Variants in HMCN1 observed in about 807,000 individuals in gnomAD.
HMCN1 encodes the protein hemicentin 1.
In HMCN1, 321 loss-of-function variants were observed where a neutral mutation model predicts 625.9. The observed-to-expected ratio is 0.51, with a 90% confidence interval of 0.47 to 0.56. The LOEUF (loss-of-function observed/expected upper bound fraction) is 0.56. Among genes scored for constraint, HMCN1 ranks in the 20% least tolerant of loss-of-function variants. The pLI, the probability that HMCN1 is intolerant of heterozygous loss-of-function variation, is 0.00. For missense variants in HMCN1, 6,588 were observed against 6,887.3 expected, an observed-to-expected ratio of 0.96 and a Z score of 1.54; for synonymous variants, 2,425 against 2,417.6, an observed-to-expected ratio of 1.00 and a Z score of -0.09.
At chr1:185,870,589 G>T (rs990851289) in intron 4 of HMCN1, among the ~76,000 whole-genome samples, 3 of 151,968 alleles carry the variant, frequency 2.0e-5, no homozygotes, top group African/African-American at 7.3e-5. Flanking sequence ...TGCATAGTAG[G>T]TGTATGTATT....
chr1:185,962,635 A>T lies in HMCN1; in HGVS notation c.1946A>T (p.Asp649Val). 6.3e-7 allele frequency: 1 copy of T among 1,590,476 alleles called. No individual in the cohort carries two copies. Among genetic ancestry groups the T allele is most frequent in the Non-Finnish European group, 8.6e-7 (1 of 1,158,470 alleles). The part of the protein sequence containing the change: ...PKPKIAWTVN[D>V]MFIVGSHRYR... Reference sequence around the variant, plus strand: ...CCAAAGATTGCCTGGACCGTTAACGATATGTTTATCGTGGGTTCACACAGG... The same window carrying T: ...CCAAAGATTGCCTGGACCGTTAACGTTATGTTTATCGTGGGTTCACACAGG... The change falls in exon 12 of 107, where the codon GAT (aspartate) becomes GTT (valine). Residue 649 changes from aspartate (D) to valine (V), a missense_variant. By Grantham distance (152) the Asp-to-Val change is radical. This residue lies in a region of HMCN1 where 4,628 missense variants were observed against 4,853.1 expected (regional missense o/e 0.95). Transcript: ENST00000271588.
chr1:186,150,188 T>C (rs955008622), intron 93 of HMCN1, among the ~76,000 whole-genome samples: 3 of 152,174 alleles, frequency 2.0e-5, no homozygotes, highest in African/African-American at 7.2e-5. Context: ...TAAAACTAAA[T>C]ATGCTTGTAC....
intron 81 of HMCN1, among the ~76,000 whole-genome samples, chr1:186,124,898 T>C (rs74136038): frequency 0.048 from 7,250 of 152,110 alleles, 576 homozygotes; most frequent in African/African-American, 0.17. Flanking sequence ...GAAGTAACTA[T>C]CTTAGTTCTA....
At chr1:186,155,059 G>A (rs956044307) in intron 97 of HMCN1, among the ~76,000 whole-genome samples, 4 of 152,174 alleles carry the variant, frequency 2.6e-5, no homozygotes, top group Admixed American at 2.6e-4. Context: ...GTGTTTTGCT[G>A]TGTGCCAGCT....
At chr1:186,170,220 G>A (rs1271132672) in intron 100 of HMCN1, among the ~76,000 whole-genome samples, 1 of 152,180 alleles carries the variant, frequency 6.6e-6, no homozygotes, top group Non-Finnish European at 1.5e-5. Flanking sequence ...AGAGGAGGTG[G>A]AGTGTTTCAT....
Position 185,907,938 on chromosome 1 carries a change from A to T in HMCN1, c.622-1399A>T, listed in dbSNP as rs182479622. Among the ~76,000 whole-genome samples the T allele has an allele frequency of 8.9e-4, 136 of 152,086 alleles. 1 individual carries two copies. The highest frequency in any genetic ancestry group is 4.1e-4 in the South Asian group (2 of 4,828). Reference sequence around the variant, plus strand: ...ACCAATTTCATTGACATTAGTATATACCCACCTTTATTATGTGTAGAGCAA... The same window carrying T: ...ACCAATTTCATTGACATTAGTATATTCCCACCTTTATTATGTGTAGAGCAA... On this transcript the variant is annotated intron_variant, in intron 4 of 106. Coordinates refer to ENST00000271588, the MANE Select transcript of HMCN1 (RefSeq NM_031935.3).
intron 1 of HMCN1, among the ~76,000 whole-genome samples, chr1:185,758,993 A>G (rs988643144): frequency 1.6e-4 from 24 of 152,160 alleles, no homozygotes; most frequent in Admixed American, 6.5e-5. Context: ...GTTCCTTGGA[A>G]CTATATTAAT....
chr1:186,182,302 G>A lies in HMCN1; in HGVS notation c.16414+15G>A. ...GACATGCCAAGGTGAGAAAACATTG[G>A]GATGTTTATTGTTGCAAACTTGACT... is the stretch of plus-strand genomic sequence containing the variant. On this transcript the variant is annotated intron_variant, in intron 105 of 106. Coordinates refer to ENST00000271588, the MANE Select transcript of HMCN1 (RefSeq NM_031935.3). 6.2e-7 allele frequency: 1 copy of A among 1,612,872 alleles called. No individual in the cohort carries two copies. Among genetic ancestry groups the A allele is most frequent in the South Asian group, 1.1e-5 (1 of 91,040 alleles).
intron 89 of HMCN1, among the ~76,000 whole-genome samples, chr1:186,138,642 C>T (rs1649770922): frequency 6.6e-6 from 1 of 152,160 alleles, no homozygotes. Context: ...ACAATGGCTG[C>T]TGACAGCTAC....
intron 36 of HMCN1, among the ~76,000 whole-genome samples, chr1:186,033,949 C>T (rs1196847014): frequency 6.6e-6 from 1 of 152,104 alleles, no homozygotes; most frequent in Admixed American, 6.5e-5. Flanking sequence ...AGAATACTGG[C>T]ATCCTGCCAA....
intron 30 of HMCN1, among the ~76,000 whole-genome samples, chr1:186,013,614 G>T (rs1329903366): frequency 6.6e-6 from 1 of 152,144 alleles, no homozygotes; most frequent in Admixed American, 6.6e-5. Context: ...GTTAAGTCTG[G>T]AGCTGGGGCA....
At chr1:186,139,123 T>C (rs1237640491) in intron 89 of HMCN1, among the ~76,000 whole-genome samples, 1 of 152,194 alleles carries the variant, frequency 6.6e-6, no homozygotes, top group Non-Finnish European at 1.5e-5. Context: ...TTCACTACAT[T>C]GGGTATTGCA....
intron 68 of HMCN1, among the ~76,000 whole-genome samples, chr1:186,100,897 A>G (rs1279102010): frequency 6.6e-6 from 1 of 152,160 alleles, no homozygotes; most frequent in East Asian, 1.9e-4. Flanking sequence ...ATGCTGTTCT[A>G]GATGCAACAA....
chr1:186,105,064 G>T (rs2102448502), intron 69 of HMCN1, among the ~76,000 whole-genome samples: 1 of 152,286 alleles, frequency 6.6e-6, no homozygotes, highest in Admixed American at 6.5e-5. Flanking sequence ...AAAACAAGAT[G>T]AAGGTGTCAT....
chr1:186,019,328 G>A (rs985749807), intron 34 of HMCN1, among the ~76,000 whole-genome samples: 1 of 151,854 alleles, frequency 6.6e-6, no homozygotes, highest in East Asian at 1.9e-4. Flanking sequence ...TTATTCTTTG[G>A]AGATTTAAAA....
chr1:185,836,427 T>A (rs1039024729), intron 1 of HMCN1, among the ~76,000 whole-genome samples: 4 of 152,158 alleles, frequency 2.6e-5, no homozygotes, highest in African/African-American at 9.7e-5. Flanking sequence ...TACAATTCTG[T>A]GTTTTGCCTT....
intron 16 of HMCN1, among the ~76,000 whole-genome samples, chr1:185,980,530 T>G (rs757875064): frequency 6.6e-6 from 1 of 152,194 alleles, no homozygotes; most frequent in Non-Finnish European, 1.5e-5. Flanking sequence ...ACCCACTGAA[T>G]GCCAGCAGAC....
At chr1:185,803,120 C>T (rs138133687) in intron 1 of HMCN1, among the ~76,000 whole-genome samples, 387 of 143,988 alleles carry the variant, frequency 2.7e-3, no homozygotes, top group Admixed American at 3.6e-3. Context: ...TTGAGTCTCC[C>T]TCAAAATAAC....
At chr1:185,880,456 A>G (rs1406835360) in intron 4 of HMCN1, among the ~76,000 whole-genome samples, 1 of 152,066 alleles carries the variant, frequency 6.6e-6, no homozygotes, top group East Asian at 1.9e-4. Context: ...TTTTCCTCTG[A>G]TACTTTGAAT....
Sources: allele counts gnomAD v4.1 joint callset (sites outside exome capture counted in the v4.1 genomes callset), GRCh38; gene constraint gnomAD v4.1.1; regional missense constraint gnomAD v4.1.1; transcripts MANE v1.5; gene names NCBI Gene and HGNC (gene_info 2026-07-23, HGNC 2026-07-21).